The following MAGI2 variants were observed in gnomAD, a reference collection of about 807,000 sequenced individuals.
MAGI2 encodes membrane associated guanylate kinase, WW and PDZ domain containing 2, also known as membrane-associated guanylate kinase, WW and PDZ domain-containing protein 2.
Under a neutral mutation model 133.3 loss-of-function variants are expected in MAGI2, and 35 were observed. That is an observed-to-expected ratio of 0.26 (90% CI 0.20 to 0.35). The LOEUF is 0.35. MAGI2 is among the 10% of genes least tolerant of loss of function. The pLI is 1.00. For missense variants in MAGI2, 1,636 were observed against 1,863.4 expected (o/e 0.88, Z 2.25); for synonymous variants, 729 against 710.6 (o/e 1.03, Z -0.41).
intron 2 of MAGI2, among the ~76,000 whole-genome samples, chr7:78,823,594 A>G (rs1790356071): frequency 6.6e-6 from 1 of 151,784 alleles, no homozygotes. Flanking sequence ...AAAAAAAAAA[A>G]AAAAAAAAGA....
At chr7:79,164,042 C>G (rs138461610) in intron 1 of MAGI2, among the ~76,000 whole-genome samples, 5 of 151,988 alleles carry the variant, frequency 3.3e-5, no homozygotes, top group African/African-American at 1.2e-4. Context: ...CTGTTTAAAA[C>G]GATTACCATC....
At chr7:78,107,254 T>A (rs1267097199) in intron 20 of MAGI2, among the ~76,000 whole-genome samples, 2 of 152,208 alleles carry the variant, frequency 1.3e-5, no homozygotes, top group Non-Finnish European at 2.9e-5. Flanking sequence ...TTGGTTACTA[T>A]AGCTCTGTAG....
At chr7:79,403,808 T>A (rs1845626020) in intron 1 of MAGI2, among the ~76,000 whole-genome samples, 1 of 152,132 alleles carries the variant, frequency 6.6e-6, no homozygotes, top group African/African-American at 2.4e-5. Context: ...ATCTGATAAG[T>A]CAACATTAAA....
intron 21 of MAGI2, among the ~76,000 whole-genome samples, chr7:78,058,876 T>C (rs2151129804): frequency 6.6e-6 from 1 of 152,332 alleles, no homozygotes; most frequent in African/African-American, 2.4e-5. Context: ...AATTTTCCTA[T>C]GTCTTTTTCC....
chr7:78,634,628 A>G (rs1164503364), intron 2 of MAGI2, among the ~76,000 whole-genome samples: 1 of 152,238 alleles, frequency 6.6e-6, no homozygotes, highest in East Asian at 1.9e-4. Context: ...AAACAAGTTA[A>G]ATTTCTTGAA....
At chr7:79,126,553 A>G (rs1820421854) in intron 1 of MAGI2, among the ~76,000 whole-genome samples, 1 of 152,148 alleles carries the variant, frequency 6.6e-6, no homozygotes. Flanking sequence ...GAGCCATGAC[A>G]CAGTATCAGT....
chr7:78,243,056 AGT>A (rs1387741606), intron 10 of MAGI2, among the ~76,000 whole-genome samples: 1 of 152,116 alleles, frequency 6.6e-6, no homozygotes, highest in Admixed American at 6.6e-5. Context: ...TGGGTGACAG[AGT>A]GAGACCCTGT....
At chr7:78,334,989 C>T (rs1001150530) in intron 9 of MAGI2, among the ~76,000 whole-genome samples, 1 of 152,148 alleles carries the variant, frequency 6.6e-6, no homozygotes, top group African/African-American at 2.4e-5. Flanking sequence ...CTGCTGCCAC[C>T]TGTATTTGTA....
rs969963844 is a variant in MAGI2 at position 79,453,504 on chromosome 7, A to G, written c.-184T>C. ...GTGTGGACGAGGAATGGGGAGGATGAGAGGGACGGCTGGGCAGAGGTAGGA... is the reference window on the plus strand; with the variant it reads ...GTGTGGACGAGGAATGGGGAGGATGGGAGGGACGGCTGGGCAGAGGTAGGA... On this transcript the variant is annotated 5_prime_UTR_variant, in exon 1 of 22. Transcript: ENST00000354212. 27 of 1,404,466 alleles carry G rather than the reference A, an allele frequency of 1.9e-5. No individual in the cohort carries two copies. The highest frequency in any genetic ancestry group is 3.1e-5 in the Admixed American group (1 of 32,026). The allele number at this position is 1,404,466 out of a possible 1,614,324, so 87.0% of individuals were successfully genotyped here.
chr7:78,343,684 G>T, intron 9 of MAGI2, 94 bp downstream of exon 9: 1 of 942,340 alleles, frequency 1.1e-6, no homozygotes, highest in Non-Finnish European at 1.5e-6. Flanking sequence ...AGTGACCTTT[G>T]TCTTTTGAAT....
At chr7:78,949,735 C>A (rs1801713180) in intron 2 of MAGI2, among the ~76,000 whole-genome samples, 1 of 152,120 alleles carries the variant, frequency 6.6e-6, no homozygotes, top group African/African-American at 2.4e-5. Context: ...GTTTGAAATA[C>A]AACCATCCAG....
chr7:78,269,104 G>C (rs1484301633), intron 9 of MAGI2, among the ~76,000 whole-genome samples: 2 of 152,160 alleles, frequency 1.3e-5, no homozygotes, highest in Non-Finnish European at 2.9e-5. Context: ...TCCCTGCAAA[G>C]GACATGAACT....
chr7:78,680,415 T>A (rs948325797), intron 2 of MAGI2, among the ~76,000 whole-genome samples: 1 of 152,130 alleles, frequency 6.6e-6, no homozygotes, highest in Non-Finnish European at 1.5e-5. Context: ...AAGAACAAAG[T>A]AAGCTCTCTT....
chr7:78,260,604 A>G (rs144538153), intron 9 of MAGI2, among the ~76,000 whole-genome samples: 3 of 152,204 alleles, frequency 2.0e-5, no homozygotes, highest in Admixed American at 2.0e-4. Flanking sequence ...AAAGCTAAGC[A>G]TATATTTTCA....
chr7:78,171,152 A>G (rs567323229), intron 14 of MAGI2, among the ~76,000 whole-genome samples: 1 of 152,342 alleles, frequency 6.6e-6, no homozygotes, highest in South Asian at 2.1e-4. Context: ...ATTCTGAGAA[A>G]AAAACAACTT....
chr7:79,251,060 T>C (rs1181238369), intron 1 of MAGI2, among the ~76,000 whole-genome samples: 2 of 152,144 alleles, frequency 1.3e-5, no homozygotes, highest in African/African-American at 4.8e-5. Context: ...ACTAGACCCT[T>C]ACATCTTGCC....
At chr7:79,014,981 C>A (rs1808540507) in intron 1 of MAGI2, among the ~76,000 whole-genome samples, 1 of 152,016 alleles carries the variant, frequency 6.6e-6, no homozygotes, top group Non-Finnish European at 1.5e-5. Context: ...AATAAAAAAG[C>A]AAAAGAAAAT....
intron 1 of MAGI2, among the ~76,000 whole-genome samples, chr7:79,073,929 A>T (rs1815227150): frequency 6.6e-6 from 1 of 151,548 alleles, no homozygotes; most frequent in Admixed American, 6.6e-5. Flanking sequence ...AATCTTTTTG[A>T]TGTCAGTTTA....
At chr7:78,778,448 G>A (rs139235035) in intron 2 of MAGI2, among the ~76,000 whole-genome samples, 113 of 152,178 alleles carry the variant, frequency 7.4e-4, no homozygotes, top group Admixed American at 1.3e-3. Flanking sequence ...GCTACTTTTT[G>A]TCTTGGTGAC....
Sources: gnomAD v4.1 joint callset for allele counts (sites outside exome capture counted in the v4.1 genomes callset) on GRCh38, gnomAD v4.1.1 for gene constraint, MANE v1.5 for transcripts, NCBI Gene and HGNC (gene_info 2026-07-23, HGNC 2026-07-21) for gene names.